Variants in GPR158 observed in about 807,000 individuals in gnomAD.
GPR158 encodes the protein G protein-coupled receptor 158, also known as metabotropic glycine receptor.
A neutral mutation model predicts 78.2 loss-of-function variants in GPR158; 30 were observed. That is an observed-to-expected ratio of 0.38 (90% CI 0.29 to 0.52). GPR158 has a LOEUF of 0.52. GPR158 is among the 20% of genes least tolerant of loss of function. The pLI is 0.83. For synonymous variants in GPR158, 581 were observed against 591.1 expected (o/e 0.98, Z 0.25); for missense variants, 1,463 against 1,523.5 (o/e 0.96, Z 0.66).
At chr10:25,407,474 G>A (rs1329532541) in intron 3 of GPR158, among the ~76,000 whole-genome samples, 1 of 152,058 alleles carries the variant, frequency 6.6e-6, no homozygotes, top group Non-Finnish European at 1.5e-5. Context: ...TTCGGTGCAG[G>A]CCTTTTTCAC....
intron 2 of GPR158, among the ~76,000 whole-genome samples, chr10:25,280,185 T>C (rs966516540): frequency 5.9e-5 from 9 of 152,184 alleles, no homozygotes; most frequent in Middle Eastern, 3.4e-3. Flanking sequence ...GGTTGACAGA[T>C]TGCATTAAAA....
intron 4 of GPR158, among the ~76,000 whole-genome samples, chr10:25,449,133 T>A (rs1417305972): frequency 6.6e-6 from 1 of 152,222 alleles, no homozygotes; most frequent in Non-Finnish European, 1.5e-5. Context: ...TTGGATTGTT[T>A]GTAATTTCCC....
chr10:25,573,839 A>T (rs1190336005), intron 7 of GPR158, among the ~76,000 whole-genome samples: 1 of 152,126 alleles, frequency 6.6e-6, no homozygotes, highest in Non-Finnish European at 1.5e-5. Flanking sequence ...TCTGGGCAGG[A>T]TATTTCAGGA....
intron 5 of GPR158, among the ~76,000 whole-genome samples, chr10:25,520,795 G>T (rs928062449): frequency 2.0e-5 from 3 of 152,140 alleles, no homozygotes; most frequent in Non-Finnish European, 4.4e-5. Context: ...GACAGGGACA[G>T]CAGAGGTTAC....
At chr10:25,582,980 G>T (rs943642801) in intron 7 of GPR158, among the ~76,000 whole-genome samples, 2 of 152,114 alleles carry the variant, frequency 1.3e-5, no homozygotes, top group Non-Finnish European at 2.9e-5. Flanking sequence ...TATTTCCAGG[G>T]GTTAAGAAAA....
chr10:25,200,544 G>A (rs902022308), intron 1 of GPR158, among the ~76,000 whole-genome samples: 2 of 152,034 alleles, frequency 1.3e-5, no homozygotes, highest in African/African-American at 2.4e-5. Context: ...TTTTGTTTTT[G>A]TTGCAATTAC....
chr10:25,291,697 A>G (rs1854437870), intron 2 of GPR158, among the ~76,000 whole-genome samples: 4 of 152,112 alleles, frequency 2.6e-5, no homozygotes, highest in Admixed American at 2.0e-4. Context: ...CATATTTGCA[A>G]TTCTAGACAA....
chr10:25,594,100 G>T, intron 8 of GPR158, 192 bp from the exon 9 acceptor site: 2 of 445,966 alleles, frequency 4.5e-6, no homozygotes, highest in South Asian at 3.3e-5. Flanking sequence ...CATAATAAAG[G>T]GTTCATATAT....
At position 25,196,575 on chromosome 10, in the gene GPR158, G is replaced by A. The variant is rs139704152; in HGVS notation, c.902+20253G>A. Among the ~76,000 whole-genome samples, 25 of 152,312 alleles carry A rather than the reference G, an allele frequency of 1.6e-4. No individual in the cohort carries two copies. The East Asian group carries it at 4.4e-3, about 27-fold the overall frequency. ...TAAAGTTAGGTGGGACGTATCTTGTGACACATGTGCAGGCCTTGTTCCTCA... is the reference window on the plus strand; with the variant it reads ...TAAAGTTAGGTGGGACGTATCTTGTAACACATGTGCAGGCCTTGTTCCTCA... On this transcript the variant is annotated intron_variant, in intron 1 of 10. Coordinates refer to ENST00000376351, the MANE Select transcript of GPR158 (RefSeq NM_020752.3).
chr10:25,369,153 C>A (rs1397787011), intron 2 of GPR158, among the ~76,000 whole-genome samples: 12 of 151,442 alleles, frequency 7.9e-5, no homozygotes, highest in Admixed American at 4.0e-4. Flanking sequence ...ATTGAATACC[C>A]TTTATTTCCT....
chr10:25,189,407 C>T (rs1050949100), intron 1 of GPR158, among the ~76,000 whole-genome samples: 3 of 152,090 alleles, frequency 2.0e-5, no homozygotes, highest in Non-Finnish European at 4.4e-5. Context: ...CGATGATAGA[C>T]TGGATTAAGA....
chr10:25,481,918 T>A (rs1245319551), intron 5 of GPR158, among the ~76,000 whole-genome samples: 1 of 152,210 alleles, frequency 6.6e-6, no homozygotes, highest in Non-Finnish European at 1.5e-5. Flanking sequence ...TACATAGTCA[T>A]GTAGAGGACT....
intron 2 of GPR158, among the ~76,000 whole-genome samples, chr10:25,355,504 A>G (rs1214389510): frequency 1.3e-5 from 2 of 152,078 alleles, no homozygotes; most frequent in East Asian, 3.9e-4. Context: ...TTCATATATC[A>G]CCATCTTGTT....
At chr10:25,339,020 C>CTTTT (rs55774828) in intron 2 of GPR158, among the ~76,000 whole-genome samples, 2 of 137,222 alleles carry the variant, frequency 1.5e-5, no homozygotes, top group Admixed American at 7.4e-5. Flanking sequence ...TTCTTTCTTT[C>CTTTT]TTTTTTTTTT....
chr10:25,336,575 T>C (rs1046715115), intron 2 of GPR158, among the ~76,000 whole-genome samples: 2 of 152,078 alleles, frequency 1.3e-5, no homozygotes, highest in African/African-American at 2.4e-5. Flanking sequence ...AAGGGCATGT[T>C]ATACAGCTCT....
Position 25,599,512 on chromosome 10 carries a change from C to A in GPR158, c.*238C>A. ...CTTGGTAACACTAGGAAAATCTTTC[C>A]ATTTCAGCATGTTTAAGGAAAATAG... On this transcript the variant is annotated 3_prime_UTR_variant, in exon 11 of 11. Coordinates refer to ENST00000376351, the MANE Select transcript of GPR158 (RefSeq NM_020752.3). 1 of 495,612 alleles carries A rather than the reference C, an allele frequency of 2.0e-6. No homozygotes were observed. Among genetic ancestry groups the A allele is most frequent in the Non-Finnish European group, 3.6e-6 (1 of 277,946 alleles). The allele number at this position is 495,612 out of a possible 1,614,324, so 30.7% of individuals were successfully genotyped here.
intron 1 of GPR158, among the ~76,000 whole-genome samples, chr10:25,218,614 C>T (rs1405339236): frequency 6.6e-6 from 1 of 152,112 alleles, no homozygotes; most frequent in African/African-American, 2.4e-5. Flanking sequence ...ATTACAAATA[C>T]TTTCTAAATA....
At chr10:25,362,916 C>A (rs764255080) in intron 2 of GPR158, among the ~76,000 whole-genome samples, 1 of 151,794 alleles carries the variant, frequency 6.6e-6, no homozygotes, top group Non-Finnish European at 1.5e-5. Context: ...CACACAAATT[C>A]TCTTTTGTTT....
intron 2 of GPR158, among the ~76,000 whole-genome samples, chr10:25,343,043 C>T (rs1215288276): frequency 1.3e-5 from 2 of 151,878 alleles, no homozygotes; most frequent in African/African-American, 2.4e-5. Context: ...TTTGAGTAAA[C>T]AGAGACTGAT....
Sources: gnomAD v4.1 joint callset for allele counts (sites outside exome capture counted in the v4.1 genomes callset) on GRCh38, gnomAD v4.1.1 for gene constraint, MANE v1.5 for transcripts, NCBI Gene and HGNC (gene_info 2026-07-23, HGNC 2026-07-21) for gene names.